PLA2R1: variants seen among roughly 807,000 people sequenced by gnomAD.
PLA2R1 encodes the protein phospholipase A2 receptor 1.
A neutral mutation model predicts 195.9 loss-of-function variants in PLA2R1; 158 were observed. The ratio of observed to expected loss-of-function variants is 0.81; its 90% CI spans 0.71 to 0.92. The LOEUF (loss-of-function observed/expected upper bound fraction) is 0.92, where lower values mean the gene tolerates loss of function less well. PLA2R1 is among the 40% of genes least tolerant of loss of function. The pLI, the probability that PLA2R1 is intolerant of heterozygous loss-of-function variation, is 0.00. For missense variants in PLA2R1, 1,626 were observed against 1,764.6 expected, an observed-to-expected ratio of 0.92 and a Z score of 1.41; for synonymous variants, 586 against 598.2, an observed-to-expected ratio of 0.98 and a Z score of 0.30.
At chr2:160,060,245 T>G (rs1296375439) in intron 1 of PLA2R1, among the ~76,000 whole-genome samples, 1 of 152,210 alleles carries the variant, frequency 6.6e-6, no homozygotes, top group Non-Finnish European at 1.5e-5. Context: ...AGTGAGTCAA[T>G]GTGGTACAGT....
intron 13 of PLA2R1, among the ~76,000 whole-genome samples, chr2:159,982,517 G>C (rs961721215): frequency 6.6e-6 from 1 of 152,206 alleles, no homozygotes; most frequent in African/African-American, 2.4e-5. Flanking sequence ...AACCCTTTAC[G>C]ATGCTAATGT....
chr2:160,005,343 G>A (rs1389824136), intron 11 of PLA2R1, among the ~76,000 whole-genome samples: 1 of 152,166 alleles, frequency 6.6e-6, no homozygotes, highest in Non-Finnish European at 1.5e-5. Context: ...GCTGAGGTGG[G>A]AGAATCACTT....
intron 2 of PLA2R1, 31 bp downstream of exon 2, chr2:160,044,743 T>A: frequency 1.3e-6 from 2 of 1,577,708 alleles, no homozygotes; most frequent in Non-Finnish European, 1.7e-6. Context: ...AAAAACACCA[T>A]TCCCTGAGTG....
Position 159,983,957 on chromosome 2 carries a change from C to T in PLA2R1, c.2154G>A (p.Val718=). The T allele has an allele frequency of 6.3e-7, 1 of 1,590,332 alleles. No homozygotes were observed. Among genetic ancestry groups the T allele is most frequent in the Non-Finnish European group, 8.6e-7 (1 of 1,161,796 alleles). Reference sequence around the variant, plus strand: ...TAAATTTTGAATGTAAGAGCTCATTCACAAAATTCTCTTCCTCAATATGGG... The same window carrying T: ...TAAATTTTGAATGTAAGAGCTCATTTACAAAATTCTCTTCCTCAATATGGG... ...SFAHIEEENF[V]NELLHSKFNW... is the part of the protein sequence containing the mutation. The change falls in exon 13 of 30, where the codon GTG becomes GTA. Residue 718 remains valine (V), a synonymous_variant. Coordinates refer to ENST00000283243, the MANE Select transcript of PLA2R1 (RefSeq NM_007366.5).
chr2:159,971,108 A>G (rs1164825975), intron 17 of PLA2R1, among the ~76,000 whole-genome samples: 1 of 152,208 alleles, frequency 6.6e-6, no homozygotes, highest in Non-Finnish European at 1.5e-5. Context: ...TAATAATAAA[A>G]AAAGGAACCA....
intron 28 of PLA2R1, 107 bp downstream of exon 28, chr2:159,944,799 T>A: frequency 1.3e-6 from 1 of 794,122 alleles, no homozygotes; most frequent in Non-Finnish European, 2.1e-6. Context: ...AGAATCTATC[T>A]GAATACTCTC....
rs1031406667 is a variant in PLA2R1, at chr2:160,050,484, T to C, written c.110-5327A>G. Among the ~76,000 whole-genome samples, 30 of 152,328 alleles carry C rather than the reference T, an allele frequency of 2.0e-4. No homozygotes were observed. In the Middle Eastern group the frequency reaches 0.01, roughly 52 times the overall value. ...CCATTTTTGTCTTAGAAGTTTTATA[T>C]CTATCTACTATATTCAGTCCAGGTG... On this transcript the variant is annotated intron_variant, in intron 1 of 29. Transcript: ENST00000283243.
chr2:159,988,160 A>C (rs1479364961), intron 11 of PLA2R1, among the ~76,000 whole-genome samples: 2 of 57,860 alleles, frequency 3.5e-5, no homozygotes, highest in East Asian at 8.2e-4. Context: ...TGACAGCAAA[A>C]AAAAAAAAAA....
At chr2:160,057,212 A>G (rs1294159161) in intron 1 of PLA2R1, among the ~76,000 whole-genome samples, 1 of 152,194 alleles carries the variant, frequency 6.6e-6, no homozygotes, top group East Asian at 1.9e-4. Context: ...CAGTCAACAG[A>G]AAGAACAACC....
At chr2:159,949,849 G>T in intron 24 of PLA2R1, 73 bp from the exon 25 acceptor site, 1 of 1,210,190 alleles carries the variant, frequency 8.3e-7, no homozygotes, top group Non-Finnish European at 1.2e-6. Context: ...ATCTGAGCAT[G>T]CTACAATTCC....
At chr2:159,967,763 G>T in intron 19 of PLA2R1, 85 bp from the exon 20 acceptor site, 2 of 1,072,836 alleles carry the variant, frequency 1.9e-6, no homozygotes, top group Non-Finnish European at 2.6e-6. Context: ...TTTTTATGAG[G>T]CTATGGTTTT....
intron 1 of PLA2R1, among the ~76,000 whole-genome samples, chr2:160,054,133 A>G (rs566087469): frequency 6.6e-6 from 1 of 152,342 alleles, no homozygotes; most frequent in African/African-American, 2.4e-5. Context: ...CATCTGCACA[A>G]TGGGTTTAAT....
rs1484784672 is a variant in PLA2R1 at position 160,013,697 on chromosome 2, C to G, written c.1552-322G>C. Among the ~76,000 whole-genome samples, 1,117 of 139,206 alleles carry G rather than the reference C, an allele frequency of 8.0e-3. 9 individuals are homozygous for G. Among genetic ancestry groups the G allele is most frequent in the Non-Finnish European group, 0.012 (756 of 65,058 alleles). 91.3% of individuals were successfully genotyped at this position (139,206 alleles called of 152,430 possible). On this transcript the variant is annotated intron_variant, in intron 9 of 29. Coordinates refer to ENST00000283243, the MANE Select transcript of PLA2R1 (RefSeq NM_007366.5). ...TCTTTCTCTCTCTCTCTCTCTCTCTCTCTCTGTCTCTCTCTCTCTCTCTCT... is the reference window on the plus strand; with the variant it reads ...TCTTTCTCTCTCTCTCTCTCTCTCTGTCTCTGTCTCTCTCTCTCTCTCTCT...
At chr2:160,039,354 C>T (rs1266336166) in intron 3 of PLA2R1, among the ~76,000 whole-genome samples, 1 of 152,146 alleles carries the variant, frequency 6.6e-6, no homozygotes, top group African/African-American at 2.4e-5. Flanking sequence ...TCTAAACAAA[C>T]CCAGAGAGAT....
At chr2:160,005,396 C>T (rs1205589926) in intron 11 of PLA2R1, among the ~76,000 whole-genome samples, 1 of 152,172 alleles carries the variant, frequency 6.6e-6, no homozygotes, top group Non-Finnish European at 1.5e-5. Context: ...GATTGCACCA[C>T]TGCACTCCAG....
At chr2:160,011,743 G>A (rs1029476498) in intron 10 of PLA2R1, among the ~76,000 whole-genome samples, 2 of 152,186 alleles carry the variant, frequency 1.3e-5, no homozygotes, top group East Asian at 1.9e-4. Flanking sequence ...AACCCAAGGT[G>A]TTCTTGGAAC....
chr2:160,034,545 G>A (rs531084023), intron 3 of PLA2R1, among the ~76,000 whole-genome samples: 2 of 152,272 alleles, frequency 1.3e-5, no homozygotes, highest in Non-Finnish European at 2.9e-5. Flanking sequence ...ATACTACTAC[G>A]TGTTACGAGA....
chr2:159,971,187 C>T (rs1689147271), intron 17 of PLA2R1, among the ~76,000 whole-genome samples: 2 of 151,814 alleles, frequency 1.3e-5, no homozygotes, highest in Admixed American at 1.3e-4. Flanking sequence ...AACTGTATAA[C>T]AAAAAATTGG....
intron 7 of PLA2R1, among the ~76,000 whole-genome samples, chr2:160,022,442 CATCTAAT>C (rs1370449176): frequency 6.6e-6 from 1 of 152,074 alleles, no homozygotes; most frequent in African/African-American, 2.4e-5. Context: ...ATTTAAAAAT[CATCTAAT>C]ATATGTGGCA....
Sources: allele counts gnomAD v4.1 joint callset (sites outside exome capture counted in the v4.1 genomes callset), GRCh38; gene constraint gnomAD v4.1.1; transcripts MANE v1.5; gene names NCBI Gene and HGNC (gene_info 2026-07-23, HGNC 2026-07-21).